TRIM14: variants seen among roughly 807,000 people sequenced by gnomAD.
The protein encoded by TRIM14 is tripartite motif-containing protein 14.
TRIM14 carries 28 observed loss-of-function variants against 44.5 expected under a neutral mutation model. The observed-to-expected ratio is 0.63, with a 90% confidence interval of 0.47 to 0.86. TRIM14 has a LOEUF of 0.86. TRIM14 is among the 40% of genes least tolerant of loss of function. The pLI, the probability that TRIM14 is intolerant of heterozygous loss-of-function variation, is 0.00. For synonymous variants in TRIM14, 299 were observed against 269.2 expected (o/e 1.11, Z -1.08); for missense variants, 607 against 611.1 (o/e 0.99, Z 0.07).
chr9:98,088,953 CAG>C (rs1423275667), intron 5 of TRIM14, among the ~76,000 whole-genome samples: 9 of 151,858 alleles, frequency 5.9e-5, no homozygotes, highest in African/African-American at 2.2e-4. Context: ...GTCTGGATCA[CAG>C]GGTATGTGGA....
the TRIM14 span, among the ~76,000 whole-genome samples, chr9:98,053,730 A>C: frequency 6.6e-6 from 1 of 152,018 alleles, no homozygotes; most frequent in Admixed American, 6.6e-5. Flanking sequence ...CTTTCTCTGC[A>C]GCTTCCAGAA....
At chr9:98,107,640 T>G (rs1024360747) in intron 2 of TRIM14, among the ~76,000 whole-genome samples, 7 of 151,430 alleles carry the variant, frequency 4.6e-5, no homozygotes, top group African/African-American at 1.7e-4. Flanking sequence ...GGGGATACAG[T>G]GGGTAGGGAG....
the TRIM14 span, among the ~76,000 whole-genome samples, chr9:98,053,111 C>G: frequency 6.6e-6 from 1 of 152,188 alleles, no homozygotes; most frequent in Non-Finnish European, 1.5e-5. Context: ...GGGCTCACTC[C>G]CTAAGCCCCC....
intron 6 of TRIM14, chr9:98,076,811 A>G (rs564767594): frequency 1.8e-5 from 15 of 828,538 alleles, no homozygotes; most frequent in Non-Finnish European, 2.9e-5. Context: ...GCGTCCCTCT[A>G]CTGCCTAAGA....
chr9:98,077,304 A>C (rs1386373488), intron 6 of TRIM14, among the ~76,000 whole-genome samples: 1 of 151,994 alleles, frequency 6.6e-6, no homozygotes, highest in Non-Finnish European at 1.5e-5. Context: ...ATTTTTTGTA[A>C]GCTAATTTGA....
rs577356565 is a variant in TRIM14, at chr9:98,107,501, T to G, written c.303+2388A>C. The stretch of plus-strand genomic sequence containing the variant: ...TGAACTAGTGGTTCTTGCAACAACT[T>G]GGGTGGATCCCAAGGGCATTCTGCT... On this transcript the variant is annotated intron_variant, in intron 2 of 5. Transcript: ENST00000341469. Among the ~76,000 whole-genome samples, 568 of 152,328 alleles carry G rather than the reference T, an allele frequency of 3.7e-3. 2 individuals carry two copies. The highest frequency in any genetic ancestry group is 5.1e-3 in the Non-Finnish European group (348 of 68,018).
At chr9:98,113,666 CTTGT>C (rs1406035861) in intron 1 of TRIM14, among the ~76,000 whole-genome samples, 1 of 152,096 alleles carries the variant, frequency 6.6e-6, no homozygotes, top group Non-Finnish European at 1.5e-5. Flanking sequence ...AAAAGTAAAA[CTTGT>C]TTTTCTCCTT....
rs1825849605 is a variant in TRIM14 at position 98,087,911 on chromosome 9, G to A, written c.888C>T (p.Ser296=). Reference sequence around the variant, plus strand: ...ACCGCAGCACGGGCACGGGCCCCAGGCTGCCCAGCAGGCCGCAGCGCACCG... The same window carrying A: ...ACCGCAGCACGGGCACGGGCCCCAGACTGCCCAGCAGGCCGCAGCGCACCG... ...RLTVRCGLLG[S]LGPVPVLRFD... Residue 296 remains serine (S), a synonymous_variant, in exon 6 of 6, where the codon AGC becomes AGT. Transcript: ENST00000341469. The A allele has an allele frequency of 6.4e-7, 1 of 1,568,764 alleles. No homozygotes were observed.
chr9:98,099,979 G>A lies in TRIM14; in HGVS notation c.489C>T (p.Asn163=). ...EQLDIMNDLS[N]RVWSISQEPD... is the part of the protein sequence containing the mutation. ...GCTCCTGGCTGATACTCCAGACCCT[G>A]TTGGAGAGATCATTCATGATGTCAA... is the stretch of plus-strand genomic sequence containing the variant. The change falls in exon 3 of 6, where the codon AAC becomes AAT. Residue 163 remains asparagine (N), a synonymous_variant. Coordinates refer to ENST00000341469, the MANE Select transcript of TRIM14 (RefSeq NM_014788.4). 3.1e-6 allele frequency: 5 copies of A among 1,614,150 alleles called. No individual in the cohort carries two copies. The highest frequency in any genetic ancestry group is 2.2e-5 in the South Asian group (2 of 91,086).
chr9:98,066,886 G>T (rs1171041535), downstream of TRIM14, among the ~76,000 whole-genome samples: 1 of 152,100 alleles, frequency 6.6e-6, no homozygotes, highest in Non-Finnish European at 1.5e-5. Flanking sequence ...TCTAACCTCA[G>T]GTGATCCACT....
intron 6 of TRIM14, chr9:98,078,025 G>T: frequency 1.1e-6 from 1 of 949,222 alleles, no homozygotes; most frequent in Non-Finnish European, 1.5e-6. Context: ...GTGGCCGAGG[G>T]CAGGAACCCA....
intron 3 of TRIM14, 111 bp downstream of exon 3, chr9:98,099,820 C>A: frequency 2.2e-6 from 2 of 921,070 alleles, no homozygotes; most frequent in South Asian, 1.5e-5. Flanking sequence ...GGTGACAAGA[C>A]AATAGTCCAT....
chr9:98,097,177 G>T (rs548576221), intron 3 of TRIM14, among the ~76,000 whole-genome samples: 1 of 152,294 alleles, frequency 6.6e-6, no homozygotes, highest in South Asian at 2.1e-4. Context: ...CTGGGCAATA[G>T]AGTGAGACCC....
chr9:98,092,027 C>T (rs1799701562), intron 4 of TRIM14, 26 bp from the exon 5 acceptor site: 2 of 1,557,210 alleles, frequency 1.3e-6, no homozygotes, highest in Non-Finnish European at 8.8e-7. Flanking sequence ...GAGAAATGAG[C>T]GCCCGGAGCT....
chr9:98,042,813 T>C, the TRIM14 span, among the ~76,000 whole-genome samples: 18 of 149,794 alleles, frequency 1.2e-4, no homozygotes, highest in African/African-American at 3.7e-4. Context: ...GAGGTTGCAG[T>C]GAGCCGAGAT....
the TRIM14 span, among the ~76,000 whole-genome samples, chr9:98,056,497 G>T: frequency 6.6e-6 from 1 of 152,042 alleles, no homozygotes; most frequent in African/African-American, 2.4e-5. Flanking sequence ...CTGGGTGCAC[G>T]CACGGATACC....
intron 1 of TRIM14, among the ~76,000 whole-genome samples, chr9:98,113,300 T>C (rs1174174521): frequency 6.6e-6 from 1 of 152,248 alleles, no homozygotes; most frequent in African/African-American, 2.4e-5. Context: ...TTATCTTATC[T>C]TGTGTAGTCA....
chr9:98,075,845 G>A (rs1397778679), intron 6 of TRIM14: 1 of 152,126 alleles, frequency 6.6e-6, no homozygotes, highest in African/African-American at 2.4e-5. Flanking sequence ...ACACCTTACT[G>A]AAGCTGGAAA....
At chr9:98,056,950 C>A in the TRIM14 span, 3 of 1,573,286 alleles carry the variant, frequency 1.9e-6, no homozygotes, top group Non-Finnish European at 1.7e-6. Context: ...GGTGAGGCGG[C>A]AGCTCCCGGG....
Sources: allele counts gnomAD v4.1 joint callset (sites outside exome capture counted in the v4.1 genomes callset), GRCh38; gene constraint gnomAD v4.1.1; transcripts MANE v1.5; gene names NCBI Gene and HGNC (gene_info 2026-07-23, HGNC 2026-07-21).